The following MALRD1 variants were observed in gnomAD, a reference collection of about 807,000 sequenced individuals.
MALRD1 encodes the protein MAM and LDL-receptor class A domain-containing protein 1.
Under a neutral mutation model 242.1 loss-of-function variants are expected in MALRD1, and 247 were observed. That is an observed-to-expected ratio of 1.02 (90% CI 0.92 to 1.13). The LOEUF is 1.13. Among genes scored for constraint, MALRD1 ranks in the 50% most tolerant of loss-of-function variants. MALRD1 has a pLI of 0.00. For synonymous variants in MALRD1, 995 were observed against 866.6 expected, an observed-to-expected ratio of 1.15 and a Z score of -2.60; for missense variants, 2,989 against 2,533.1, an observed-to-expected ratio of 1.18 and a Z score of -3.86.
intron 36 of MALRD1, among the ~76,000 whole-genome samples, chr10:19,664,763 T>C (rs1841602551): frequency 6.6e-6 from 1 of 151,970 alleles, no homozygotes; most frequent in African/African-American, 2.4e-5. Flanking sequence ...ACCTCAGAAA[T>C]AACCAAAATT....
chr10:19,625,249 A>G (rs1272139332), intron 36 of MALRD1, among the ~76,000 whole-genome samples: 1 of 152,156 alleles, frequency 6.6e-6, no homozygotes, highest in Non-Finnish European at 1.5e-5. Flanking sequence ...CCATGATACT[A>G]TGAGGACAAA....
At chr10:19,640,077 T>C (rs556041092) in intron 36 of MALRD1, among the ~76,000 whole-genome samples, 1 of 152,134 alleles carries the variant, frequency 6.6e-6, no homozygotes, top group African/African-American at 2.4e-5. Context: ...GATGCTTCAT[T>C]GTCTTCTTTT....
At chr10:19,380,897 T>A (rs1033890022) in intron 26 of MALRD1, among the ~76,000 whole-genome samples, 3 of 130,344 alleles carry the variant, frequency 2.3e-5, no homozygotes, top group African/African-American at 9.0e-5. Context: ...AAGAACGTTC[T>A]GTAGCAATTT....
chr10:19,170,862 G>A (rs921830253), intron 13 of MALRD1, among the ~76,000 whole-genome samples: 2 of 152,068 alleles, frequency 1.3e-5, no homozygotes. Flanking sequence ...TAAAACAAGT[G>A]AATGTGACTG....
At chr10:19,281,963 C>CAAA (rs149370838) in intron 20 of MALRD1, among the ~76,000 whole-genome samples, 9 of 79,816 alleles carry the variant, frequency 1.1e-4, no homozygotes, top group East Asian at 3.9e-4. Flanking sequence ...ACGATGTCTC[C>CAAA]AAAAAAAAAA....
rs897328402 is a variant in MALRD1 at position 19,664,131 on chromosome 10, GT to G, written c.6138-28141del. 5.5e-4 allele frequency among the ~76,000 whole-genome samples: 82 copies of G among 147,878 alleles called. 2 individuals are homozygous for G. The highest frequency in any genetic ancestry group is 5.4e-4 in the Admixed American group (8 of 14,810). ...AGGTGACTTTCATATTTTTTCCAGG[GT>G]TTTTTTTTTCTTGTGATCAGCTGCA... is the stretch of plus-strand genomic sequence containing the variant. On this transcript the variant is annotated intron_variant, in intron 36 of 39. Transcript: ENST00000454679.
At chr10:19,352,942 A>G (rs940201561) in intron 26 of MALRD1, among the ~76,000 whole-genome samples, 3 of 152,172 alleles carry the variant, frequency 2.0e-5, no homozygotes, top group Admixed American at 6.6e-5. Flanking sequence ...AATGCAATAA[A>G]TATTATTAAC....
At chr10:19,182,948 T>G (rs1456390798) in intron 14 of MALRD1, among the ~76,000 whole-genome samples, 1 of 152,178 alleles carries the variant, frequency 6.6e-6, no homozygotes. Flanking sequence ...TGAAATGTAT[T>G]AAATTGCTTT....
At chr10:19,453,470 A>T (rs1835437850) in intron 29 of MALRD1, among the ~76,000 whole-genome samples, 1 of 152,256 alleles carries the variant, frequency 6.6e-6, no homozygotes, top group Non-Finnish European at 1.5e-5. Flanking sequence ...TAAACATATT[A>T]GAAACATTAA....
chr10:19,203,755 G>A lies in MALRD1; in HGVS notation c.1979G>A (p.Ser660Asn). The A allele has an allele frequency of 6.5e-7, 1 of 1,547,234 alleles. No homozygotes were observed. Among genetic ancestry groups the A allele is most frequent in the Non-Finnish European group, 8.7e-7 (1 of 1,144,350 alleles). The change falls in exon 15 of 40, where the codon AGC becomes AAC. Residue 660 changes from serine to asparagine, a missense_variant. Coordinates refer to ENST00000454679, the MANE Select transcript of MALRD1 (RefSeq NM_001142308.3). Reference protein sequence around the residue: ...KFSKCDFEANSCDWFEAISGD... With the variant: ...KFSKCDFEANNCDWFEAISGD... ...TCCAAGTGTGACTTTGAAGCAAACA[G>A]CTGTGATTGGTTTGAAGCAATTAGT...
intron 21 of MALRD1, among the ~76,000 whole-genome samples, chr10:19,286,418 A>G (rs886702120): frequency 0.016 from 2,390 of 151,638 alleles, 23 homozygotes; most frequent in Non-Finnish European, 0.026. Flanking sequence ...ATTATTTTGA[A>G]ATACGTCCCA....
chr10:19,114,833 T>C (rs997032593), intron 5 of MALRD1, among the ~76,000 whole-genome samples: 1 of 152,178 alleles, frequency 6.6e-6, no homozygotes, highest in Non-Finnish European at 1.5e-5. Flanking sequence ...GCAGGATTGA[T>C]TGAGTTTTGT....
chr10:19,057,560 G>T (rs1834705006), intron 1 of MALRD1, among the ~76,000 whole-genome samples: 1 of 152,118 alleles, frequency 6.6e-6, no homozygotes, highest in African/African-American at 2.4e-5. Flanking sequence ...TAGTACCACA[G>T]AATTATGTAT....
At chr10:19,391,103 T>A (rs1337662716) in intron 28 of MALRD1, among the ~76,000 whole-genome samples, 1 of 152,166 alleles carries the variant, frequency 6.6e-6, no homozygotes, top group Non-Finnish European at 1.5e-5. Context: ...TTCTAGAAAG[T>A]GTAATACTAA....
intron 18 of MALRD1, among the ~76,000 whole-genome samples, chr10:19,238,897 C>A (rs1409180037): frequency 6.6e-6 from 1 of 151,256 alleles, no homozygotes; most frequent in East Asian, 1.9e-4. Flanking sequence ...TTGTCTTTTA[C>A]CTTTTTGGTA....
At chr10:19,095,942 A>G (rs1434887325) in intron 4 of MALRD1, among the ~76,000 whole-genome samples, 1 of 152,126 alleles carries the variant, frequency 6.6e-6, no homozygotes, top group Non-Finnish European at 1.5e-5. Context: ...TCTTGCAGAT[A>G]TTTAATAAGT....
chr10:19,442,266 A>G (rs1834708073), intron 28 of MALRD1, among the ~76,000 whole-genome samples: 1 of 152,208 alleles, frequency 6.6e-6, no homozygotes, highest in Non-Finnish European at 1.5e-5. Flanking sequence ...ATATACAATC[A>G]TGTCATCTGC....
intron 31 of MALRD1, among the ~76,000 whole-genome samples, chr10:19,503,405 C>T (rs1178658783): frequency 6.6e-6 from 1 of 152,140 alleles, no homozygotes. Flanking sequence ...GAATTAGATA[C>T]ATAAGAGGGC....
At chr10:19,626,321 G>C (rs966802784) in intron 36 of MALRD1, among the ~76,000 whole-genome samples, 1 of 141,216 alleles carries the variant, frequency 7.1e-6, no homozygotes, top group East Asian at 2.1e-4. Flanking sequence ...TTTTAAGTCA[G>C]GGAGGTCTGC....
Sources: gnomAD v4.1 joint callset for allele counts (sites outside exome capture counted in the v4.1 genomes callset) on GRCh38, gnomAD v4.1.1 for gene constraint, MANE v1.5 for transcripts, NCBI Gene and HGNC (gene_info 2026-07-23, HGNC 2026-07-21) for gene names.